ATP9B: variants seen among roughly 807,000 people sequenced by gnomAD.
ATP9B encodes the protein probable phospholipid-transporting ATPase IIB.
ATP9B carries 110 observed loss-of-function variants against 146.1 expected under a neutral mutation model. The observed-to-expected ratio is 0.75, with a 90% CI of 0.65 to 0.88. The LOEUF is 0.88. Among genes scored for constraint, ATP9B ranks in the 40% least tolerant of loss-of-function variants. The pLI, the probability that ATP9B is intolerant of heterozygous loss-of-function variation, is 0.00. For synonymous variants in ATP9B, 604 were observed against 569.7 expected, an observed-to-expected ratio of 1.06 and a Z score of -0.86; for missense variants, 1,499 against 1,496.4, an observed-to-expected ratio of 1.00 and a Z score of -0.03.
At chr18:79,251,503 A>G (rs1448523250) in intron 11 of ATP9B, among the ~76,000 whole-genome samples, 1 of 152,216 alleles carries the variant, frequency 6.6e-6, no homozygotes, top group Admixed American at 6.5e-5. Flanking sequence ...TCTTATAGTT[A>G]GCTTATTTTC....
At chr18:79,220,140 G>A (rs1483385780) in intron 11 of ATP9B, among the ~76,000 whole-genome samples, 1 of 152,162 alleles carries the variant, frequency 6.6e-6, no homozygotes, top group African/African-American at 2.4e-5. Flanking sequence ...GGCAGTGAGA[G>A]GGCTCCTTAT....
chr18:79,143,910 G>T, intron 6 of ATP9B, 50 bp downstream of exon 6: 1 of 1,154,322 alleles, frequency 8.7e-7, no homozygotes, highest in Non-Finnish European at 1.2e-6. Flanking sequence ...AGTTATTAAT[G>T]TTTAGCCTGA....
rs140096772 is a variant in ATP9B at position 79,353,497 on chromosome 18, A to G, written c.2903+5301A>G. On this transcript the variant is annotated intron_variant, in intron 25 of 29. Transcript: ENST00000426216. The stretch of plus-strand genomic sequence containing the variant: ...AGACGCTGGCCTGCAGCACAGAGAA[A>G]GCAGAGGACACGCTCGGCAAGGTGG... 116 of 152,450 alleles carry G rather than the reference A, an allele frequency of 7.6e-4. 2 individuals are homozygous for G. Among genetic ancestry groups the G allele is most frequent in the African/African-American group, 2.7e-3 (111 of 41,584 alleles). The allele number at this position is 152,450 out of a possible 1,614,324, so 9.4% of individuals were successfully genotyped here.
chr18:79,304,585 C>G (rs940483074), intron 14 of ATP9B, among the ~76,000 whole-genome samples: 10 of 152,166 alleles, frequency 6.6e-5, no homozygotes, highest in African/African-American at 1.9e-4. Context: ...AGGATTTAGC[C>G]TAGAGGCTGT....
intron 5 of ATP9B, among the ~76,000 whole-genome samples, chr18:79,135,373 T>A (rs1429237457): frequency 5.3e-5 from 8 of 152,258 alleles, no homozygotes; most frequent in Non-Finnish European, 8.8e-5. Context: ...TGTTTTTCCC[T>A]TCATAACCTG....
intron 5 of ATP9B, among the ~76,000 whole-genome samples, chr18:79,138,536 A>G (rs994822236): frequency 6.6e-6 from 1 of 152,196 alleles, no homozygotes; most frequent in Admixed American, 6.5e-5. Context: ...GGATGTGAGT[A>G]ATTTGGCAAT....
chr18:79,364,782 G>A (rs2097016403), intron 26 of ATP9B, among the ~76,000 whole-genome samples: 1 of 152,170 alleles, frequency 6.6e-6, no homozygotes, highest in Non-Finnish European at 1.5e-5. Context: ...CCATCACTTT[G>A]GGAGGCTGAA....
chr18:79,265,046 G>A (rs1334367772), intron 12 of ATP9B, among the ~76,000 whole-genome samples: 3 of 152,076 alleles, frequency 2.0e-5, no homozygotes, highest in Non-Finnish European at 2.9e-5. Flanking sequence ...TATTTTTGCT[G>A]ATACTCTCCC....
chr18:79,345,343 C>G, intron 21 of ATP9B, 85 bp from the exon 22 acceptor site: 1 of 1,507,364 alleles, frequency 6.6e-7, no homozygotes, highest in Non-Finnish European at 9.0e-7. Context: ...GGCTTTGCTC[C>G]CATGGTTTTG....
intron 5 of ATP9B, among the ~76,000 whole-genome samples, chr18:79,143,160 A>G (rs2094534399): frequency 6.6e-6 from 1 of 152,200 alleles, no homozygotes; most frequent in Non-Finnish European, 1.5e-5. Flanking sequence ...CGTGTGTCTC[A>G]AATTATGGGT....
At chr18:79,078,136 C>T (rs1474748670) in intron 1 of ATP9B, 2 of 152,342 alleles carry the variant, frequency 1.3e-5, no homozygotes, top group East Asian at 1.9e-4. Flanking sequence ...AGGCTTCACG[C>T]ACTCTTTGCT....
chr18:79,127,149 A>G (rs1317046197), intron 5 of ATP9B, among the ~76,000 whole-genome samples: 1 of 152,218 alleles, frequency 6.6e-6, no homozygotes, highest in African/African-American at 2.4e-5. Context: ...TTAACTTGAA[A>G]TAGTACCTTC....
rs921644536 is a variant in ATP9B, at chr18:79,358,993, G to T, written c.2904-361G>T. On this transcript the variant is annotated intron_variant, in intron 25 of 29. Transcript: ENST00000426216. ...TGTCCGTGTGGATGCTGGTGGTGAG[G>T]TTCACACTACAGTTATCTAAGATGT... 2.6e-5 allele frequency among the ~76,000 whole-genome samples: 4 copies of T among 152,054 alleles called. No homozygotes were observed. In the Middle Eastern group the frequency reaches 0.01, roughly 391 times the overall value.
At chr18:79,216,428 A>G (rs1283375434) in intron 11 of ATP9B, among the ~76,000 whole-genome samples, 1 of 152,208 alleles carries the variant, frequency 6.6e-6, no homozygotes, top group African/African-American at 2.4e-5. Flanking sequence ...GCTTGCCAGG[A>G]ACAAGGTCAT....
intron 1 of ATP9B, among the ~76,000 whole-genome samples, chr18:79,088,384 T>C (rs1028022568): frequency 6.6e-6 from 1 of 152,234 alleles, no homozygotes; most frequent in South Asian, 2.1e-4. Context: ...AGTTGACTGT[T>C]TTAAAAGAAG....
intron 11 of ATP9B, among the ~76,000 whole-genome samples, chr18:79,246,885 A>G (rs1315946886): frequency 2.6e-5 from 4 of 152,190 alleles, no homozygotes. Flanking sequence ...CAGTTAAACA[A>G]TGTGGTGATT....
intron 7 of ATP9B, among the ~76,000 whole-genome samples, chr18:79,167,783 G>A (rs1300355457): frequency 1.3e-5 from 2 of 152,198 alleles, no homozygotes; most frequent in East Asian, 3.9e-4. Flanking sequence ...TGGCAGCCCG[G>A]CCCCGAGGCT....
At chr18:79,171,637 C>T (rs1246604509) in intron 7 of ATP9B, among the ~76,000 whole-genome samples, 2 of 151,916 alleles carry the variant, frequency 1.3e-5, no homozygotes, top group East Asian at 1.9e-4. Flanking sequence ...ACAGTGTGTG[C>T]GCGTAAGGCT....
Position 79,329,425 on chromosome 18 carries a change from TG to T in ATP9B, c.1935+124del, listed in dbSNP as rs1600081088. The T allele has an allele frequency of 1.3e-5, 15 of 1,184,314 alleles. No individual in the cohort carries two copies. The East Asian group carries it at 3.8e-4, about 30-fold the overall frequency. 73.4% of individuals were successfully genotyped at this position (1,184,314 alleles called of 1,614,324 possible). A position where few individuals can be genotyped will look rare whatever the true frequency, so the allele number is the denominator to read the frequency against. On this transcript the variant is annotated intron_variant, in intron 16 of 29. Coordinates refer to ENST00000426216, the MANE Select transcript of ATP9B (RefSeq NM_198531.5). ...CAGGTGCTTTATGCTGTTACAGTTT[TG>T]TTTGTTTTTTTTTTTTAATGAAATC...
Sources: gnomAD v4.1 joint callset for allele counts (sites outside exome capture counted in the v4.1 genomes callset) on GRCh38, gnomAD v4.1.1 for gene constraint, MANE v1.5 for transcripts, NCBI Gene and HGNC (gene_info 2026-07-23, HGNC 2026-07-21) for gene names.